Variants in SEMA3E observed in about 807,000 individuals in gnomAD.
SEMA3E encodes semaphorin 3E.
Under a neutral mutation model 93.6 loss-of-function variants are expected in SEMA3E, and 49 were observed. The ratio of observed to expected loss-of-function variants is 0.52; its 90% confidence interval spans 0.42 to 0.66. The LOEUF is 0.66. Among genes scored for constraint, SEMA3E ranks in the 30% least tolerant of loss-of-function variants. The pLI is 0.00. For synonymous variants in SEMA3E, 363 were observed against 330.7 expected, an observed-to-expected ratio of 1.10 and a Z score of -1.06; for missense variants, 906 against 964.8, an observed-to-expected ratio of 0.94 and a Z score of 0.81.
At chr7:83,629,942 G>C (rs1793753778) in intron 1 of SEMA3E, among the ~76,000 whole-genome samples, 1 of 152,204 alleles carries the variant, frequency 6.6e-6, no homozygotes, top group African/African-American at 2.4e-5. Context: ...GAATCTCCTG[G>C]TCTGTGGGTT....
At chr7:83,423,609 T>G (rs1055332104) in intron 4 of SEMA3E, among the ~76,000 whole-genome samples, 1 of 151,336 alleles carries the variant, frequency 6.6e-6, no homozygotes, top group Non-Finnish European at 1.5e-5. Context: ...GTTCATGCCA[T>G]TCTCCTGCCT....
chr7:83,443,803 C>A (rs950754541), intron 4 of SEMA3E, among the ~76,000 whole-genome samples: 2 of 151,872 alleles, frequency 1.3e-5, no homozygotes, highest in Non-Finnish European at 2.9e-5. Flanking sequence ...CAATTCTATT[C>A]AGAAGCATCT....
chr7:83,543,602 G>A (rs1254851618), intron 1 of SEMA3E, among the ~76,000 whole-genome samples: 1 of 152,070 alleles, frequency 6.6e-6, no homozygotes, highest in African/African-American at 2.4e-5. Context: ...AAAAATGCTT[G>A]TTGATTCCCT....
intron 1 of SEMA3E, among the ~76,000 whole-genome samples, chr7:83,525,094 G>A (rs749846362): frequency 1.1e-4 from 16 of 152,130 alleles, no homozygotes; most frequent in South Asian, 6.2e-4. Flanking sequence ...TGTCTGAACC[G>A]TGTTTATTCA....
chr7:83,541,477 G>T (rs988962118), intron 1 of SEMA3E, among the ~76,000 whole-genome samples: 2 of 146,942 alleles, frequency 1.4e-5, no homozygotes. Context: ...AACAGAGTTT[G>T]GTACTGGGAG....
chr7:83,488,714 A>G (rs1027016533), intron 2 of SEMA3E, among the ~76,000 whole-genome samples: 8 of 152,140 alleles, frequency 5.3e-5, no homozygotes, highest in Non-Finnish European at 1.2e-4. Context: ...GAAGTTCTAT[A>G]TAAGTCAGGG....
intron 1 of SEMA3E, among the ~76,000 whole-genome samples, chr7:83,604,419 T>TTC (rs534518181): frequency 2.5e-3 from 351 of 138,640 alleles, no homozygotes; most frequent in South Asian, 4.9e-3. Flanking sequence ...TTAAGTGGTT[T>TTC]TCTCTCTCTA....
At chr7:83,464,036 TA>T (rs1409381194) in intron 4 of SEMA3E, among the ~76,000 whole-genome samples, 3 of 152,158 alleles carry the variant, frequency 2.0e-5, no homozygotes, top group Admixed American at 2.0e-4. Flanking sequence ...ATTCCTCAGT[TA>T]AGCCTTCCCA....
At chr7:83,574,366 A>G (rs146826346) in intron 1 of SEMA3E, among the ~76,000 whole-genome samples, 5 of 152,186 alleles carry the variant, frequency 3.3e-5, no homozygotes, top group African/African-American at 9.6e-5. Flanking sequence ...GGAGAGAGAA[A>G]TCTTTGTTAT....
At chr7:83,376,601 A>G (rs1013306797) in intron 16 of SEMA3E, among the ~76,000 whole-genome samples, 1 of 152,028 alleles carries the variant, frequency 6.6e-6, no homozygotes, top group Non-Finnish European at 1.5e-5. Flanking sequence ...ACTTTGGTGA[A>G]TTTATTCTAC....
chr7:83,526,632 C>A (rs1308460229), intron 1 of SEMA3E, among the ~76,000 whole-genome samples: 3 of 152,092 alleles, frequency 2.0e-5, no homozygotes, highest in Non-Finnish European at 4.4e-5. Flanking sequence ...ATTTGGCCAC[C>A]TCGGTTCTGC....
At chr7:83,384,471 A>G (rs1309357040) in intron 16 of SEMA3E, among the ~76,000 whole-genome samples, 1 of 132,446 alleles carries the variant, frequency 7.6e-6, no homozygotes, top group African/African-American at 2.8e-5. Flanking sequence ...AATATTCAAT[A>G]TTATTTCTCC....
intron 1 of SEMA3E, among the ~76,000 whole-genome samples, chr7:83,613,075 A>T (rs1251420499): frequency 6.6e-6 from 1 of 152,094 alleles, no homozygotes; most frequent in Non-Finnish European, 1.5e-5. Flanking sequence ...ATATGAAGAC[A>T]TTTGGGAGAT....
chr7:83,412,511 C>A (rs1193053617), intron 5 of SEMA3E, among the ~76,000 whole-genome samples: 2 of 151,912 alleles, frequency 1.3e-5, no homozygotes, highest in African/African-American at 4.8e-5. Context: ...TTTGTGCAGC[C>A]CAGGCCGGAG....
At chr7:83,628,422 C>T (rs931760649) in intron 1 of SEMA3E, among the ~76,000 whole-genome samples, 3 of 152,102 alleles carry the variant, frequency 2.0e-5, no homozygotes, top group Admixed American at 6.5e-5. Context: ...CTTTCAGGTA[C>T]ACCAATGAAA....
intron 10 of SEMA3E, 132 bp downstream of exon 10, chr7:83,402,500 C>T: frequency 1.3e-6 from 1 of 772,492 alleles, no homozygotes; most frequent in African/African-American, 1.8e-5. Flanking sequence ...ACTACATATA[C>T]TTTTCACCAA....
At position 83,648,389 on chromosome 7, in the gene SEMA3E, T is replaced by C. The variant is rs374464427; in HGVS notation, c.115+39A>G. The C allele has an allele frequency of 4.1e-5, 59 of 1,428,054 alleles. No individual in the cohort carries two copies. The East Asian group carries it at 4.6e-4, about 11-fold the overall frequency. 88.5% of individuals were successfully genotyped at this position (1,428,054 alleles called of 1,614,324 possible). A position where few individuals can be genotyped will look rare whatever the true frequency, so the allele number is the denominator to read the frequency against. On this transcript the variant is annotated intron_variant, in intron 1 of 16. Coordinates refer to ENST00000643230, the MANE Select transcript of SEMA3E (RefSeq NM_012431.3). ...TTTTTTCTTTTTTCTTTTTCTTTTT[T>C]TTTTTTTTTAAACAAAAGGATCTGG...
intron 4 of SEMA3E, among the ~76,000 whole-genome samples, chr7:83,449,256 C>T (rs1017634576): frequency 6.6e-6 from 1 of 151,738 alleles, no homozygotes; most frequent in Non-Finnish European, 1.5e-5. Context: ...TGCGCCACCA[C>T]GCCTAGCTAA....
chr7:83,398,129 G>A (rs151236294), intron 11 of SEMA3E, among the ~76,000 whole-genome samples: 82 of 152,120 alleles, frequency 5.4e-4, no homozygotes, highest in African/African-American at 1.9e-3. Flanking sequence ...CTGAAAATCT[G>A]TGGTTCAATA....
Sources: gnomAD v4.1 joint callset for allele counts (sites outside exome capture counted in the v4.1 genomes callset) on GRCh38, gnomAD v4.1.1 for gene constraint, MANE v1.5 for transcripts, NCBI Gene and HGNC (gene_info 2026-07-23, HGNC 2026-07-21) for gene names.